CHP1: variants seen among roughly 807,000 people sequenced by gnomAD.
CHP1 encodes calcineurin like EF-hand protein 1, also known as calcineurin B homologous protein 1.
A neutral mutation model predicts 27.4 loss-of-function variants in CHP1; 11 were observed. The observed-to-expected ratio is 0.40, with a 90% confidence interval of 0.25 to 0.67. The LOEUF is 0.67. Ranked by LOEUF, CHP1 falls within the 30% of genes least tolerant of loss-of-function variation. CHP1 has a pLI of 0.38. For synonymous variants in CHP1, 89 were observed against 87.4 expected (o/e 1.02, Z -0.10); for missense variants, 169 against 251.3 (o/e 0.67, Z 2.22).
rs1163537727 is a variant in CHP1, at chr15:41,249,462, CTTTTTT to C, written c.140+5746_140+5751del. 5.1e-5 allele frequency among the ~76,000 whole-genome samples: 4 copies of C among 78,528 alleles called. No individual in the cohort carries two copies. In the East Asian group the frequency reaches 1.1e-3, roughly 21 times the overall value. The allele number at this position is 78,528 out of a possible 152,430, so 51.5% of individuals were successfully genotyped here. Reference sequence around the variant, plus strand: ...TGCCACCATGCCTGGCCTTCACCTTCTTTTTTTTTTTTTTTTTTTTTTTTTTTTGAG... The same window carrying C: ...TGCCACCATGCCTGGCCTTCACCTTCTTTTTTTTTTTTTTTTTTTTTTGAG... On this transcript the variant is annotated intron_variant, in intron 2 of 6. Coordinates refer to ENST00000334660, the MANE Select transcript of CHP1 (RefSeq NM_007236.5).
intron 6 of CHP1, 112 bp from the exon 7 acceptor site, chr15:41,279,224 A>G: frequency 1.1e-6 from 1 of 921,420 alleles, no homozygotes; most frequent in Non-Finnish European, 1.7e-6. Flanking sequence ...AAAAAAAAAA[A>G]AAGTTACGTT....
intron 4 of CHP1, among the ~76,000 whole-genome samples, chr15:41,270,253 G>A (rs551151539): frequency 2.6e-5 from 4 of 151,426 alleles, no homozygotes; most frequent in African/African-American, 9.7e-5. Context: ...ACAGAACCAC[G>A]TAAGGAGTGT....
chr15:41,265,710 CA>C (rs143866388), intron 4 of CHP1, among the ~76,000 whole-genome samples: 253 of 121,470 alleles, frequency 2.1e-3, no homozygotes, highest in Admixed American at 3.6e-3. Context: ...AACTCCATCT[CA>C]AAAAAAAAAA....
At chr15:41,268,129 G>A (rs148642501) in intron 4 of CHP1, among the ~76,000 whole-genome samples, 119 of 152,246 alleles carry the variant, frequency 7.8e-4, no homozygotes, top group African/African-American at 2.8e-3. Flanking sequence ...AGACTATAGA[G>A]AAGACGGGTG....
chr15:41,246,609 T>A (rs2140927001), intron 2 of CHP1, among the ~76,000 whole-genome samples: 1 of 139,680 alleles, frequency 7.2e-6, no homozygotes, highest in East Asian at 2.3e-4. Flanking sequence ...CGAGCCACCG[T>A]GCCTGGCCAA....
In CHP1 at chr15:41,231,459, G is replaced by C. The variant is rs775625285; in HGVS notation, c.67+10G>C. 3 of 1,596,648 alleles carry C rather than the reference G, an allele frequency of 1.9e-6. No homozygotes were observed. The African/African-American group carries it at 4.0e-5, about 21-fold the overall frequency. On this transcript the variant is annotated intron_variant, in intron 1 of 6. Transcript: ENST00000334660. Reference sequence around the variant, plus strand: ...AAGAAGGAGACCGGCTGTGAGTTCGGGTTGGGGGTGGGAACGCCGGGCGCC... The same window carrying C: ...AAGAAGGAGACCGGCTGTGAGTTCGCGTTGGGGGTGGGAACGCCGGGCGCC...
intron 5 of CHP1, among the ~76,000 whole-genome samples, chr15:41,273,019 T>G (rs955649682): frequency 4.0e-5 from 6 of 151,882 alleles, no homozygotes; most frequent in Non-Finnish European, 5.9e-5. Context: ...ATCACGCTAC[T>G]GCACTCCAGC....
At chr15:41,240,109 T>G (rs993449921) in intron 1 of CHP1, among the ~76,000 whole-genome samples, 1 of 152,180 alleles carries the variant, frequency 6.6e-6, no homozygotes, top group Non-Finnish European at 1.5e-5. Context: ...TTATTTTAGA[T>G]GATATAGATT....
intron 4 of CHP1, among the ~76,000 whole-genome samples, chr15:41,265,363 C>CAAAAAAAAAA (rs544658200): frequency 5.4e-5 from 2 of 36,880 alleles, no homozygotes; most frequent in African/African-American, 9.3e-5. Flanking sequence ...GACTCTGTCT[C>CAAAAAAAAAA]AAAAAAAAAA....
At position 41,265,363 on chromosome 15, in the gene CHP1, C is replaced by CAAAA. The variant is rs544658200; in HGVS notation, c.349+2509_349+2512dup. Reference sequence around the variant, plus strand: ...TGGGTGATAGAGCGAGACTCTGTCTCAAAAAAAAAAAAAAAAAAAAAAAAA... The same window carrying CAAAA: ...TGGGTGATAGAGCGAGACTCTGTCTCAAAAAAAAAAAAAAAAAAAAAAAAAAAAA... On this transcript the variant is annotated intron_variant, in intron 4 of 6. Transcript: ENST00000334660. Among the ~76,000 whole-genome samples, 24 of 36,922 alleles carry CAAAA rather than the reference C, an allele frequency of 6.5e-4. 3 individuals carry two copies. Among genetic ancestry groups the CAAAA allele is most frequent in the Admixed American group, 2.2e-3 (4 of 1,824 alleles). The allele number at this position is 36,922 out of a possible 152,430, so 24.2% of individuals were successfully genotyped here. A position where few individuals can be genotyped will look rare whatever the true frequency, so the allele number is the denominator to read the frequency against.
At chr15:41,246,326 CT>C (rs1302555088) in intron 2 of CHP1, among the ~76,000 whole-genome samples, 11 of 145,978 alleles carry the variant, frequency 7.5e-5, no homozygotes, top group East Asian at 2.0e-4. Context: ...TGAGCTGTTT[CT>C]TTTTTTTTTA....
At chr15:41,247,542 C>T (rs1347053140) in intron 2 of CHP1, among the ~76,000 whole-genome samples, 1 of 151,782 alleles carries the variant, frequency 6.6e-6, no homozygotes, top group African/African-American at 2.4e-5. Flanking sequence ...TGTGGTGGCG[C>T]ACGCCTGTAA....
chr15:41,246,824 G>C (rs2047337350), intron 2 of CHP1, among the ~76,000 whole-genome samples: 1 of 150,924 alleles, frequency 6.6e-6, no homozygotes, highest in Non-Finnish European at 1.5e-5. Context: ...AGAATCACTT[G>C]AACCTGGGAG....
chr15:41,253,611 C>T (rs543090131), intron 2 of CHP1, among the ~76,000 whole-genome samples: 11 of 151,474 alleles, frequency 7.3e-5, no homozygotes, highest in African/African-American at 2.2e-4. Flanking sequence ...CCCGTCACCA[C>T]GCCTAGCTAA....
intron 1 of CHP1, among the ~76,000 whole-genome samples, chr15:41,239,398 G>A (rs931549293): frequency 6.7e-5 from 10 of 149,214 alleles, no homozygotes; most frequent in Non-Finnish European, 1.0e-4. Context: ...TTTTGTTATC[G>A]TTTGTTTTGT....
chr15:41,256,887 A>T lies in CHP1; in HGVS notation c.141-23A>T, dbSNP rs538588243. The T allele has an allele frequency of 1.7e-5, 27 of 1,608,820 alleles. No homozygotes were observed. The South Asian group carries it at 2.7e-4, about 16-fold the overall frequency. ...TGCTAAGGGCAATGATCTCTATCTA[A>T]CTCAAGGTGATTCTCTTGGCAGCCG... On this transcript the variant is annotated intron_variant, in intron 2 of 6. Coordinates refer to ENST00000334660, the MANE Select transcript of CHP1 (RefSeq NM_007236.5).
intron 5 of CHP1, 36 bp downstream of exon 5, chr15:41,270,654 C>T (rs759613666): frequency 2.7e-6 from 4 of 1,505,258 alleles, no homozygotes; most frequent in Non-Finnish European, 3.7e-6. Context: ...TGTGCTTGGA[C>T]TCTGCCTGCT....
intron 4 of CHP1, among the ~76,000 whole-genome samples, chr15:41,268,573 C>G: frequency 6.7e-6 from 1 of 150,252 alleles, no homozygotes; most frequent in African/African-American, 2.5e-5. Context: ...ACCCGGGAGG[C>G]GGAGGTTACA....
At chr15:41,236,832 CTT>C (rs112481886) in intron 1 of CHP1, among the ~76,000 whole-genome samples, 6 of 143,602 alleles carry the variant, frequency 4.2e-5, no homozygotes, top group Non-Finnish European at 6.1e-5. Flanking sequence ...TTAATACTAT[CTT>C]TTTTTTTTTT....
Sources: allele counts gnomAD v4.1 joint callset (sites outside exome capture counted in the v4.1 genomes callset), GRCh38; gene constraint gnomAD v4.1.1; transcripts MANE v1.5; gene names NCBI Gene and HGNC (gene_info 2026-07-23, HGNC 2026-07-21).